ECPAS: variants seen among roughly 807,000 people sequenced by gnomAD.
The protein encoded by ECPAS is Ecm29 proteasome adaptor and scaffold, also known as proteasome adapter and scaffold protein ECM29.
A neutral mutation model predicts 255.1 loss-of-function variants in ECPAS; 70 were observed. The observed-to-expected ratio is 0.27, with a 90% CI of 0.23 to 0.33. The LOEUF (loss-of-function observed/expected upper bound fraction) is 0.33, where lower values mean the gene tolerates loss of function less well. Among genes scored for constraint, ECPAS ranks in the 10% least tolerant of loss-of-function variants. The probability of loss-of-function intolerance (pLI) is 1.00; values close to 1 mark genes in which losing one functional copy is unlikely to be tolerated. For missense variants in ECPAS, 1,817 were observed against 2,206.4 expected, an observed-to-expected ratio of 0.82 and a Z score of 3.54; for synonymous variants, 784 against 775.0, an observed-to-expected ratio of 1.01 and a Z score of -0.19.
intron 36 of ECPAS, 140 bp downstream of exon 36, chr9:111,378,440 A>G: frequency 1.2e-6 from 1 of 829,190 alleles, no homozygotes; most frequent in Non-Finnish European, 1.8e-6. Flanking sequence ...CTCTCTCCAA[A>G]AAAACAGTAA....
rs565086940 is a variant in ECPAS, at chr9:111,449,966, C to A, written c.153+1459G>T. The stretch of plus-strand genomic sequence containing the variant: ...CTTGGCCTGGCTACTTCCTGCACAC[C>A]ACAGAGGCCTCCCCTTATACCCCAC... On this transcript the variant is annotated intron_variant, in intron 3 of 49. Coordinates refer to ENST00000684092, the MANE Select transcript of ECPAS (RefSeq NM_001364929.1). 7.2e-4 allele frequency among the ~76,000 whole-genome samples: 109 copies of A among 152,272 alleles called. 2 individuals are homozygous for A. The East Asian group carries it at 0.018, about 25-fold the overall frequency.
rs185857665 is a variant in ECPAS, at chr9:111,405,885, A to G, written c.2652+2686T>C. ...AACAGCCATTATCAAGAAGACAGAA[A>G]ACAACAGCTGATAGTCAGAATGTGA... On this transcript the variant is annotated intron_variant, in intron 24 of 49. Coordinates refer to ENST00000684092, the MANE Select transcript of ECPAS (RefSeq NM_001364929.1). Among the ~76,000 whole-genome samples, 25 of 149,818 alleles carry G rather than the reference A, an allele frequency of 1.7e-4. 3 individuals are homozygous for G. Among genetic ancestry groups the G allele is most frequent in the African/African-American group, 6.3e-4 (25 of 39,476 alleles).
At chr9:111,400,157 G>A (rs1298315854) in intron 24 of ECPAS, among the ~76,000 whole-genome samples, 1 of 152,210 alleles carries the variant, frequency 6.6e-6, no homozygotes, top group Non-Finnish European at 1.5e-5. Flanking sequence ...ATCAATGCTG[G>A]GTATCTAGGT....
At chr9:111,427,783 T>C (rs1478724384) in intron 10 of ECPAS, among the ~76,000 whole-genome samples, 2 of 152,212 alleles carry the variant, frequency 1.3e-5, no homozygotes, top group African/African-American at 2.4e-5. Context: ...ACTTGGAGCA[T>C]CATGTCAGTA....
intron 1 of ECPAS, among the ~76,000 whole-genome samples, chr9:111,474,684 C>A (rs975152267): frequency 4.6e-5 from 7 of 152,202 alleles, no homozygotes; most frequent in Non-Finnish European, 1.0e-4. Context: ...CAACCTATCT[C>A]CACAGCATCA....
chr9:111,415,337 C>T (rs1466581244), intron 18 of ECPAS, among the ~76,000 whole-genome samples: 1 of 151,844 alleles, frequency 6.6e-6, no homozygotes, highest in African/African-American at 2.4e-5. Context: ...TGTGTTTACT[C>T]CATTGACACA....
At chr9:111,483,209 AG>A (rs2132151901) in intron 1 of ECPAS, among the ~76,000 whole-genome samples, 1 of 151,932 alleles carries the variant, frequency 6.6e-6, no homozygotes, top group South Asian at 2.1e-4. Flanking sequence ...CTCAGTGGGC[AG>A]GGGGCTGGGC....
chr9:111,436,864 T>G, intron 7 of ECPAS, 76 bp downstream of exon 7: 1 of 1,284,206 alleles, frequency 7.8e-7, no homozygotes. Context: ...TAGAATTATG[T>G]TTTATACGGT....
intron 24 of ECPAS, among the ~76,000 whole-genome samples, chr9:111,398,549 T>C (rs886260897): frequency 6.6e-6 from 1 of 152,184 alleles, no homozygotes; most frequent in Non-Finnish European, 1.5e-5. Flanking sequence ...TGAAATTTCC[T>C]ATAATAAAAA....
intron 46 of ECPAS, among the ~76,000 whole-genome samples, 191 bp from the exon 47 acceptor site, chr9:111,366,818 T>C (rs1025465404): frequency 2.6e-5 from 4 of 152,188 alleles, no homozygotes; most frequent in Admixed American, 6.5e-5. Flanking sequence ...ATTAAAGCCA[T>C]TGAAATTTCC....
intron 35 of ECPAS, among the ~76,000 whole-genome samples, chr9:111,380,980 T>C (rs539529578): frequency 4.6e-4 from 70 of 152,368 alleles, no homozygotes; most frequent in African/African-American, 1.5e-3. Context: ...TATTCAAACT[T>C]TCTCCCTGTT....
intron 35 of ECPAS, among the ~76,000 whole-genome samples, chr9:111,379,736 C>A (rs912999203): frequency 6.6e-6 from 1 of 152,200 alleles, no homozygotes; most frequent in African/African-American, 2.4e-5. Context: ...CCTTTGTGGT[C>A]ATTTTAACAA....
At chr9:111,483,301 G>A (rs922674070) in intron 1 of ECPAS, among the ~76,000 whole-genome samples, 2 of 151,900 alleles carry the variant, frequency 1.3e-5, no homozygotes, top group Non-Finnish European at 2.9e-5. Context: ...CAACGTGACG[G>A]TGCAAACCTG....
intron 16 of ECPAS, among the ~76,000 whole-genome samples, chr9:111,419,363 C>A (rs1396411517): frequency 1.3e-5 from 2 of 152,086 alleles, no homozygotes; most frequent in African/African-American, 4.8e-5. Flanking sequence ...GATTAGAATG[C>A]TGCATGGATT....
intron 24 of ECPAS, among the ~76,000 whole-genome samples, chr9:111,401,366 T>A (rs1301053144): frequency 6.6e-6 from 1 of 152,176 alleles, no homozygotes; most frequent in Non-Finnish European, 1.5e-5. Flanking sequence ...ACCAGCAAGT[T>A]TTTATTAGGG....
At position 111,385,474 on chromosome 9, in the gene ECPAS, T is replaced by A. The variant is rs750387714; in HGVS notation, c.3528-32A>T. ...ATCAAAATTTCATTTCAATATATGA[T>A]GAAAAAGGTCAGTATTTTACTATGA... On this transcript the variant is annotated intron_variant, in intron 32 of 49. Transcript: ENST00000684092. The A allele has an allele frequency of 2.5e-6, 3 of 1,187,572 alleles. No individual in the cohort carries two copies. In the Admixed American group the frequency reaches 6.6e-5, roughly 26 times the overall value. 73.6% of individuals were successfully genotyped at this position (1,187,572 alleles called of 1,614,324 possible).
chr9:111,473,511 AATACGT>A (rs1238867890), intron 1 of ECPAS, among the ~76,000 whole-genome samples: 1 of 152,086 alleles, frequency 6.6e-6, no homozygotes, highest in African/African-American at 2.4e-5. Flanking sequence ...CTCGCTCTTA[AATACGT>A]ATACACGTGG....
At chr9:111,391,676 T>C in intron 29 of ECPAS, 80 bp downstream of exon 29, 1 of 881,906 alleles carries the variant, frequency 1.1e-6, no homozygotes, top group South Asian at 1.5e-5. Context: ...ATCAACTTCA[T>C]GACTGCTCTA....
intron 37 of ECPAS, among the ~76,000 whole-genome samples, 176 bp from the exon 38 acceptor site, chr9:111,375,378 A>C (rs1305850021): frequency 6.6e-6 from 1 of 152,220 alleles, no homozygotes; most frequent in African/African-American, 2.4e-5. Flanking sequence ...CTACAAACAG[A>C]AAAATTATTC....
Sources: allele counts gnomAD v4.1 joint callset (sites outside exome capture counted in the v4.1 genomes callset), GRCh38; gene constraint gnomAD v4.1.1; transcripts MANE v1.5; gene names NCBI Gene and HGNC (gene_info 2026-07-23, HGNC 2026-07-21).